NDFIP1: variants seen among roughly 807,000 people sequenced by gnomAD.
The protein encoded by NDFIP1 is NEDD4 family-interacting protein 1.
In NDFIP1, 7 loss-of-function variants were observed where a neutral mutation model predicts 28.8. The observed-to-expected ratio is 0.24, with a 90% CI of 0.14 to 0.46. The LOEUF (loss-of-function observed/expected upper bound fraction) is 0.46. NDFIP1 is among the 20% of genes least tolerant of loss of function. The pLI is 0.99. For synonymous variants in NDFIP1, 92 were observed against 101.0 expected, an observed-to-expected ratio of 0.91 and a Z score of 0.53; for missense variants, 194 against 269.1, an observed-to-expected ratio of 0.72 and a Z score of 1.95.
intron 3 of NDFIP1, among the ~76,000 whole-genome samples, chr5:142,133,323 TG>T (rs1367505732): frequency 6.6e-6 from 1 of 152,262 alleles, no homozygotes; most frequent in South Asian, 2.1e-4. Context: ...ACCATCATAA[TG>T]TAACTGCCGT....
intron 5 of NDFIP1, among the ~76,000 whole-genome samples, chr5:142,139,489 T>A (rs1757306903): frequency 6.6e-6 from 1 of 152,078 alleles, no homozygotes; most frequent in African/African-American, 2.4e-5. Flanking sequence ...CACGTATCAG[T>A]ATTACATTGA....
At chr5:142,123,105 G>C (rs1384999485) in intron 1 of NDFIP1, among the ~76,000 whole-genome samples, 2 of 152,032 alleles carry the variant, frequency 1.3e-5, no homozygotes, top group African/African-American at 4.8e-5. Context: ...TGGGACTACA[G>C]GGGCATGCCA....
At chr5:142,112,532 TA>T (rs113729498) in intron 1 of NDFIP1, among the ~76,000 whole-genome samples, 10,330 of 103,592 alleles carry the variant, frequency 0.1, 412 homozygotes, top group African/African-American at 0.15. Context: ...AAGACTGTCT[TA>T]AAAAAAAAAA....
At chr5:142,122,262 A>G (rs1034311312) in intron 1 of NDFIP1, among the ~76,000 whole-genome samples, 1 of 152,186 alleles carries the variant, frequency 6.6e-6, no homozygotes, top group African/African-American at 2.4e-5. Flanking sequence ...TCTTTATATG[A>G]ATCTAATCAT....
intron 3 of NDFIP1, 131 bp downstream of exon 3, chr5:142,132,473 C>A: frequency 1.7e-6 from 2 of 1,184,982 alleles, no homozygotes; most frequent in Non-Finnish European, 2.4e-6. Flanking sequence ...AAATCAGGTA[C>A]ATTTGCTTTT....
At chr5:142,113,318 A>G (rs950600128) in intron 1 of NDFIP1, among the ~76,000 whole-genome samples, 1 of 152,214 alleles carries the variant, frequency 6.6e-6, no homozygotes, top group African/African-American at 2.4e-5. Context: ...GTCAAACCAT[A>G]TTCATGTTAA....
At chr5:142,111,603 TTC>T (rs1757014876) in intron 1 of NDFIP1, among the ~76,000 whole-genome samples, 1 of 152,240 alleles carries the variant, frequency 6.6e-6, no homozygotes. Flanking sequence ...CTGTTCTGAC[TTC>T]TATTTGATCT....
rs771073621 is a variant in NDFIP1, at chr5:142,144,224, T to C, written c.563-347T>C. On this transcript the variant is annotated intron_variant, in intron 6 of 7. Transcript: ENST00000253814. ...TTGTTGTTGTTGTTGTTGTTTGGAG[T>C]TCATTATCTTGGAATGCTTTTTTGG... The C allele has an allele frequency of 2.4e-4, 39 of 164,006 alleles. No homozygotes were observed. In the East Asian group the frequency reaches 6.6e-3, roughly 28 times the overall value. The allele number at this position is 164,006 out of a possible 1,614,324, so 10.2% of individuals were successfully genotyped here.
chr5:142,135,687 G>T (rs1333588380), intron 3 of NDFIP1, 43 bp from the exon 4 acceptor site: 4 of 1,547,592 alleles, frequency 2.6e-6, no homozygotes, highest in Non-Finnish European at 3.6e-6. Flanking sequence ...TTTTCTTTAT[G>T]TCTTCCCTTT....
At chr5:142,129,402 G>A (rs1392826859) in intron 1 of NDFIP1, among the ~76,000 whole-genome samples, 1 of 152,122 alleles carries the variant, frequency 6.6e-6, no homozygotes, top group Non-Finnish European at 1.5e-5. Context: ...ACATGTCTTT[G>A]TTTAAAAGGA....
rs114867675 is a variant in NDFIP1 at position 142,116,273 on chromosome 5, A to C, written c.63+7236A>C. On this transcript the variant is annotated intron_variant, in intron 1 of 7. Coordinates refer to ENST00000253814, the MANE Select transcript of NDFIP1 (RefSeq NM_030571.4). ...TCAAGTTTAAGAGCATTCCTAGTGAAATATTTTCTTATTAATGCAGTTCCC... is the reference window on the plus strand; with the variant it reads ...TCAAGTTTAAGAGCATTCCTAGTGACATATTTTCTTATTAATGCAGTTCCC... 8.0e-3 allele frequency among the ~76,000 whole-genome samples: 1,216 copies of C among 152,162 alleles called. 20 individuals are homozygous for C. The highest frequency in any genetic ancestry group is 0.028 in the African/African-American group (1,156 of 41,510).
chr5:142,133,150 A>G (rs1757242952), intron 3 of NDFIP1, among the ~76,000 whole-genome samples: 1 of 152,236 alleles, frequency 6.6e-6, no homozygotes, highest in African/African-American at 2.4e-5. Context: ...GATAGTAGAC[A>G]GTTTGCAGAC....
chr5:142,151,385 C>G (rs1422839974), intron 7 of NDFIP1, among the ~76,000 whole-genome samples: 4 of 152,312 alleles, frequency 2.6e-5, no homozygotes, highest in African/African-American at 9.6e-5. Context: ...ATTATGCTCT[C>G]TGTCCCAAGT....
chr5:142,117,146 A>G (rs972035285), intron 1 of NDFIP1, among the ~76,000 whole-genome samples: 11 of 152,194 alleles, frequency 7.2e-5, no homozygotes, highest in African/African-American at 2.7e-4. Flanking sequence ...AGGCTTGAAT[A>G]CAATTTGGAG....
intron 1 of NDFIP1, among the ~76,000 whole-genome samples, chr5:142,113,138 C>G (rs1056778690): frequency 2.0e-5 from 3 of 152,196 alleles, no homozygotes; most frequent in African/African-American, 4.8e-5. Context: ...TAGTTCTGGA[C>G]TTGCCTCATT....
At chr5:142,148,489 G>A (rs753666350) in intron 7 of NDFIP1, among the ~76,000 whole-genome samples, 3 of 152,088 alleles carry the variant, frequency 2.0e-5, no homozygotes, top group African/African-American at 4.8e-5. Context: ...AGTGGCTCAC[G>A]CCTGTAATCC....
At chr5:142,136,914 ATTAGCCG>A (rs11278435) in intron 4 of NDFIP1, among the ~76,000 whole-genome samples, 101,032 of 150,124 alleles carry the variant, frequency 0.67, 34,285 homozygotes, top group African/African-American at 0.78. Flanking sequence ...AAAAACAAAA[ATTAGCCG>A]TTAGCCGGGC....
At chr5:142,143,796 T>C (rs1208365468) in intron 6 of NDFIP1, 7 of 152,058 alleles carry the variant, frequency 4.6e-5, no homozygotes, top group African/African-American at 7.2e-5. Flanking sequence ...AGCCTAGGAG[T>C]TGAAGGCCAG....
chr5:142,153,047 A>G lies in NDFIP1; in HGVS notation c.*1319A>G. The G allele has an allele frequency of 2.9e-6, 1 of 340,914 alleles. No individual in the cohort carries two copies. Among genetic ancestry groups the G allele is most frequent in the East Asian group, 7.6e-5 (1 of 13,218 alleles). The allele number at this position is 340,914 out of a possible 1,614,324, so 21.1% of individuals were successfully genotyped here. A position where few individuals can be genotyped will look rare whatever the true frequency, so the allele number is the denominator to read the frequency against. On this transcript the variant is annotated 3_prime_UTR_variant, in exon 8 of 8. Coordinates refer to ENST00000253814, the MANE Select transcript of NDFIP1 (RefSeq NM_030571.4). ...TTAAATCATTCTGGAATTCCTAATT[A>G]TGCTTCAATTTTTAGACATAATTTT...
Sources: allele counts gnomAD v4.1 joint callset (sites outside exome capture counted in the v4.1 genomes callset), GRCh38; gene constraint gnomAD v4.1.1; transcripts MANE v1.5; gene names NCBI Gene and HGNC (gene_info 2026-07-23, HGNC 2026-07-21).